The following MUC5AC variants were observed in gnomAD, a reference collection of about 807,000 sequenced individuals.
MUC5AC encodes the protein mucin 5AC, oligomeric mucus/gel-forming.
Under a neutral mutation model 169.7 loss-of-function variants are expected in MUC5AC, and 158 were observed. The observed-to-expected ratio is 0.93, with a 90% CI of 0.82 to 1.06. MUC5AC has a LOEUF of 1.06. Ranked by LOEUF, MUC5AC falls within the 50% of genes least tolerant of loss-of-function variation. The pLI is 0.00. For synonymous variants in MUC5AC, 1,975 were observed against 1,237.0 expected (o/e 1.60, Z -12.52); for missense variants, 4,359 against 3,089.9 (o/e 1.41, Z -9.74).
Position 1,160,700 on chromosome 11 carries a change from G to A in MUC5AC, c.151+11G>A, listed in dbSNP as rs368895210. The stretch of plus-strand genomic sequence containing the variant: ...CCCGGGGGCCCAGCGGTGAGTCTGA[G>A]TGTCCGGCCCCCACCCTAAGCCTGT... On this transcript the variant is annotated intron_variant, in intron 2 of 48. Coordinates refer to ENST00000621226, the MANE Select transcript of MUC5AC (RefSeq NM_001304359.2). The A allele has an allele frequency of 1.0e-5, 16 of 1,606,230 alleles. No homozygotes were observed. The African/African-American group carries it at 1.5e-4, about 15-fold the overall frequency.
rs1861355875 is a variant in MUC5AC at position 1,199,015 on chromosome 11, C to T, written c.16296+19C>T. 1.3e-6 allele frequency: 1 copy of T among 763,368 alleles called. No homozygotes were observed. The highest frequency in any genetic ancestry group is 2.4e-6 in the Non-Finnish European group (1 of 417,018). 47.3% of individuals were successfully genotyped at this position (763,368 alleles called of 1,614,324 possible). On this transcript the variant is annotated intron_variant, in intron 44 of 48. Coordinates refer to ENST00000621226, the MANE Select transcript of MUC5AC (RefSeq NM_001304359.2). The stretch of plus-strand genomic sequence containing the variant: ...CCCTGTGGTGAGCGCTCCCACCCTG[C>T]CCCGACCCTGCCCTGGCTCTTGGGG...
chr11:1,168,807 G>A lies in MUC5AC; in HGVS notation c.1705+28G>A, dbSNP rs994988191. 8 of 1,583,708 alleles carry A rather than the reference G, an allele frequency of 5.1e-6. No individual in the cohort carries two copies. In the Admixed American group the frequency reaches 6.9e-5, roughly 14 times the overall value. On this transcript the variant is annotated intron_variant, in intron 14 of 48. Transcript: ENST00000621226. ...AAGAGGGCTGCCTTCTGGGCTTGGA[G>A]CCCACCCACTCTGGCCAGGGCGCAT...
rs1164195285 is a variant in MUC5AC, at chr11:1,186,407, C to T, written c.8262C>T (p.Thr2754=). ...CCAGAAGAACCTCAGCCCCTACAACCAGCACAATCTCTGCCTCTACCACCA... is the reference window on the plus strand; with the variant it reads ...CCAGAAGAACCTCAGCCCCTACAACTAGCACAATCTCTGCCTCTACCACCA... ...PTPRRTSAPT[T]STISASTTST... is the part of the protein sequence containing the mutation. The change falls in exon 31 of 49, where the codon ACC becomes ACT. Residue 2754 remains threonine, a synonymous_variant. Transcript: ENST00000621226. 5.7e-6 allele frequency: 4 copies of T among 705,372 alleles called. No homozygotes were observed. Among genetic ancestry groups the T allele is most frequent in the Non-Finnish European group, 1.0e-5 (4 of 386,568 alleles). The allele number at this position is 705,372 out of a possible 1,614,324, so 43.7% of individuals were successfully genotyped here.
chr11:1,186,354 A>G lies in MUC5AC; in HGVS notation c.8209A>G (p.Thr2737Ala), dbSNP rs1860946119. Reference sequence around the variant, plus strand: ...AACAACCAGCACAACCTCTGCCACTACAACCAGCACGACCTCTGCTCCTAC... The same window carrying G: ...AACAACCAGCACAACCTCTGCCACTGCAACCAGCACGACCTCTGCTCCTAC... Reference protein sequence around the residue: ...APTTSTTSATTTSTTSAPTPR... With the variant: ...APTTSTTSATATSTTSAPTPR... Residue 2737 changes from threonine to alanine, a missense_variant, in exon 31 of 49, where the codon ACA becomes GCA. Thr to Ala is a moderately conservative substitution (Grantham distance 58). Coordinates refer to ENST00000621226, the MANE Select transcript of MUC5AC (RefSeq NM_001304359.2). 3 of 716,588 alleles carry G rather than the reference A, an allele frequency of 4.2e-6. No individual in the cohort carries two copies. The highest frequency in any genetic ancestry group is 2.6e-5 in the East Asian group (1 of 38,152). The allele number at this position is 716,588 out of a possible 1,614,324, so 44.4% of individuals were successfully genotyped here. A position where few individuals can be genotyped will look rare whatever the true frequency, so the allele number is the denominator to read the frequency against.
In MUC5AC at chr11:1,200,678, C is replaced by T. The variant is rs754466802; in HGVS notation, c.16941C>T (p.Gly5647=). Residue 5647 remains glycine, a synonymous_variant, in exon 49 of 49, where the codon GGC becomes GGT. Coordinates refer to ENST00000621226, the MANE Select transcript of MUC5AC (RefSeq NM_001304359.2). ...QEAESGSWER[G]VPVSPMH The stretch of plus-strand genomic sequence containing the variant: ...CAGAGAGTGGGAGCTGGGAGAGAGG[C>T]GTCCCAGTGTCCCCCATGCACTGAC... 33 of 759,958 alleles carry T rather than the reference C, an allele frequency of 4.3e-5. No homozygotes were observed. Among genetic ancestry groups the T allele is most frequent in the Admixed American group, 6.8e-5 (4 of 58,782 alleles). 47.1% of individuals were successfully genotyped at this position (759,958 alleles called of 1,614,324 possible).
intron 41 of MUC5AC, 63 bp from the exon 42 acceptor site, chr11:1,197,840 G>T: frequency 1.5e-6 from 1 of 680,562 alleles, no homozygotes; most frequent in Non-Finnish European, 2.7e-6. Flanking sequence ...GAGACCCCAG[G>T]GGGTGGGCCT....
rs775794844 is a variant in MUC5AC at position 1,195,025 on chromosome 11, C to A, written c.15204C>A (p.Asn5068Lys). 1.3e-6 allele frequency: 1 copy of A among 744,256 alleles called. No individual in the cohort carries two copies. Among genetic ancestry groups the A allele is most frequent in the Non-Finnish European group, 2.5e-6 (1 of 407,734 alleles). 46.1% of individuals were successfully genotyped at this position (744,256 alleles called of 1,614,324 possible). ...NTEGQCGTCT[N>K]DRKDECRTPR... ...GCGTCTGCCCAGGCACTTGCACCAA[C>A]GACAGGAAGGATGAGTGCCGCACGC... is the stretch of plus-strand genomic sequence containing the variant. Residue 5068 changes from asparagine (N) to lysine (K), a missense_variant, in exon 36 of 49, where the codon AAC becomes AAA. By Grantham distance (94) the Asn-to-Lys change is moderately conservative. Coordinates refer to ENST00000621226, the MANE Select transcript of MUC5AC (RefSeq NM_001304359.2).
At position 1,190,805 on chromosome 11, in the gene MUC5AC, T is replaced by G; in HGVS notation, c.12660T>G (p.Gly4220=). ...TSAATSSTTS[G]SGTTPSPVPT... is the part of the protein sequence containing the mutation. ...CTGCTACAAGCAGCACAACCTCCGG[T>G]TCTGGAACTACTCCAAGCCCTGTTC... The change falls in exon 31 of 49, where the codon GGT becomes GGG. Residue 4220 remains glycine, a synonymous_variant. Transcript: ENST00000621226. 2.8e-6 allele frequency: 2 copies of G among 726,510 alleles called. No homozygotes were observed. The highest frequency in any genetic ancestry group is 5.0e-6 in the Non-Finnish European group (2 of 398,542). 45.0% of individuals were successfully genotyped at this position (726,510 alleles called of 1,614,324 possible). A position where few individuals can be genotyped will look rare whatever the true frequency, so the allele number is the denominator to read the frequency against.
rs1285311969 is a variant in MUC5AC, at chr11:1,187,088, C to G, written c.8943C>G (p.Ser2981Arg). The part of the protein sequence containing the change: ...STTSGPGTTP[S>R]PVPTTSTTSA... ...CCTCTGGTCCTGGAACTACTCCCAG[C>G]CCTGTTCCCACCACCAGCACAACCT... Residue 2981 changes from serine (S) to arginine (R), a missense_variant, in exon 31 of 49, where the codon AGC becomes AGG. Transcript: ENST00000621226. 5 of 747,898 alleles carry G rather than the reference C, an allele frequency of 6.7e-6. No homozygotes were observed. Among genetic ancestry groups the G allele is most frequent in the Non-Finnish European group, 1.2e-5 (5 of 409,640 alleles). The allele number at this position is 747,898 out of a possible 1,614,324, so 46.3% of individuals were successfully genotyped here.
chr11:1,191,713 C>G lies in MUC5AC; in HGVS notation c.13568C>G (p.Ser4523Cys). Residue 4523 changes from serine to cysteine, a missense_variant, in exon 31 of 49, where the codon TCT becomes TGT. Ser to Cys is a moderately radical substitution (Grantham distance 112, BLOSUM62 -1). Transcript: ENST00000621226. ...PSPVPTTSTT[S>C]APTTSTTSAS... The stretch of plus-strand genomic sequence containing the variant: ...CCTGTTCCCACCACCAGCACAACCT[C>G]TGCTCCTACAACCAGCACAACCTCT... 44 of 568,126 alleles carry G rather than the reference C, an allele frequency of 7.7e-5. 3 individuals carry two copies. The highest frequency in any genetic ancestry group is 1.1e-4 in the Non-Finnish European group (34 of 297,540). 35.2% of individuals were successfully genotyped at this position (568,126 alleles called of 1,614,324 possible). A position where few individuals can be genotyped will look rare whatever the true frequency, so the allele number is the denominator to read the frequency against.
chr11:1,199,007 C>G lies in MUC5AC; in HGVS notation c.16296+11C>G. The stretch of plus-strand genomic sequence containing the variant: ...ACACACTGCCCTGTGGTGAGCGCTC[C>G]CACCCTGCCCCGACCCTGCCCTGGC... On this transcript the variant is annotated intron_variant, in intron 44 of 48. Transcript: ENST00000621226. The G allele has an allele frequency of 1.3e-6, 1 of 763,564 alleles. No homozygotes were observed. Among genetic ancestry groups the G allele is most frequent in the East Asian group, 2.4e-5 (1 of 41,154 alleles). 47.3% of individuals were successfully genotyped at this position (763,564 alleles called of 1,614,324 possible).
Position 1,183,899 on chromosome 11 carries a change from G to A in MUC5AC, c.5754G>A (p.Val1918=), listed in dbSNP as rs1860868030. 2.5e-6 allele frequency: 1 copy of A among 402,764 alleles called. No homozygotes were observed. Among genetic ancestry groups the A allele is most frequent in the South Asian group, 1.2e-4 (1 of 8,260 alleles). 24.9% of individuals were successfully genotyped at this position (402,764 alleles called of 1,614,324 possible). Residue 1918 remains valine (V), a synonymous_variant, in exon 31 of 49, where the codon GTG becomes GTA. Coordinates refer to ENST00000621226, the MANE Select transcript of MUC5AC (RefSeq NM_001304359.2). The part of the protein sequence containing the change: ...KTFSTPSPPP[V]PATSTSSMST... The stretch of plus-strand genomic sequence containing the variant: ...TCTCAACTCCCAGCCCTCCGCCAGT[G>A]CCGGCAACATCAACATCATCCATGT...
intron 16 of MUC5AC, among the ~76,000 whole-genome samples, chr11:1,173,504 C>A (rs1470050051): frequency 6.7e-6 from 1 of 149,768 alleles, no homozygotes; most frequent in Non-Finnish European, 1.5e-5. Context: ...CGCTCATTCC[C>A]TCATTCATTC....
At chr11:1,167,564 C>T (rs897037284) in intron 11 of MUC5AC, among the ~76,000 whole-genome samples, 1 of 152,226 alleles carries the variant, frequency 6.6e-6, no homozygotes, top group Non-Finnish European at 1.5e-5. Flanking sequence ...CCTGAAACCC[C>T]TTGGAGCTCC....
At chr11:1,173,461 C>CCACT (rs1224422301) in intron 16 of MUC5AC, among the ~76,000 whole-genome samples, 1 of 129,718 alleles carries the variant, frequency 7.7e-6, no homozygotes, top group South Asian at 2.3e-4. Context: ...ACTCACTCAT[C>CCACT]CACTCACTCA....
In MUC5AC at chr11:1,165,733, C is replaced by A. The variant is rs761934256; in HGVS notation, c.1359C>A (p.His453Gln). 4 of 1,612,324 alleles carry A rather than the reference C, an allele frequency of 2.5e-6. No individual in the cohort carries two copies. The highest frequency in any genetic ancestry group is 3.4e-6 in the Non-Finnish European group (4 of 1,179,726). The change falls in exon 11 of 49, where the codon CAC becomes CAA. Residue 453 changes from histidine (H) to glutamine (Q), a missense_variant. By Grantham distance (24) the His-to-Gln change is conservative. Coordinates refer to ENST00000621226, the MANE Select transcript of MUC5AC (RefSeq NM_001304359.2). ...TTGACGGGAAGCAATACACGGTGCA[C>A]GGCGACTGCAGCTATGTGCTGACCA... ...STFDGKQYTV[H>Q]GDCSYVLTKP...
chr11:1,198,128 C>T, intron 42 of MUC5AC, 124 bp downstream of exon 42: 1 of 670,110 alleles, frequency 1.5e-6, no homozygotes, highest in Non-Finnish European at 2.7e-6. Flanking sequence ...CTGGACTGAG[C>T]CTTCCGCAGA....
At chr11:1,180,218 G>A (rs1720940098) in intron 27 of MUC5AC, 68 bp downstream of exon 27, 1 of 398,476 alleles carries the variant, frequency 2.5e-6, no homozygotes, top group South Asian at 1.3e-4. Context: ...GCCCCTCGAG[G>A]AGCCTCTGTG....
In MUC5AC at chr11:1,167,958, G is replaced by T; in HGVS notation, c.1468G>T (p.Val490Leu). 1 of 1,550,824 alleles carries T rather than the reference G, an allele frequency of 6.4e-7. No homozygotes were observed. The highest frequency in any genetic ancestry group is 1.2e-5 in the South Asian group (1 of 84,070). ...GGACAGCGAGACCTGCCTGAAGAGC[G>T]TGACACTGAGCCTGGATGGGGCGCA... ...LTDSETCLKS[V>L]TLSLDGAQTV... The change falls in exon 12 of 49, where the codon GTG becomes TTG. Residue 490 changes from valine to leucine, a missense_variant. Physicochemically the swap from Val to Leu is conservative, Grantham distance 32. Transcript: ENST00000621226.
Sources: allele counts gnomAD v4.1 joint callset (sites outside exome capture counted in the v4.1 genomes callset), GRCh38; gene constraint gnomAD v4.1.1; transcripts MANE v1.5; gene names NCBI Gene and HGNC (gene_info 2026-07-23, HGNC 2026-07-21).